PIP4P1: variants seen among roughly 807,000 people sequenced by gnomAD.
The protein encoded by PIP4P1 is phosphatidylinositol-4,5-bisphosphate 4-phosphatase 1, also known as type 1 phosphatidylinositol 4,5-bisphosphate 4-phosphatase.
Under a neutral mutation model 32.3 loss-of-function variants are expected in PIP4P1, and 14 were observed. That is an observed-to-expected ratio of 0.43 (90% CI 0.29 to 0.68). The LOEUF (loss-of-function observed/expected upper bound fraction) is 0.68. Ranked by LOEUF, PIP4P1 falls within the 30% of genes least tolerant of loss-of-function variation. PIP4P1 has a pLI of 0.15. For missense variants in PIP4P1, 289 were observed against 364.5 expected (o/e 0.79, Z 1.69); for synonymous variants, 132 against 137.9 (o/e 0.96, Z 0.30).
At chr14:20,461,097 T>A in intron 1 of PIP4P1, 87 bp downstream of exon 1, 1 of 1,274,782 alleles carries the variant, frequency 7.8e-7, no homozygotes, top group Non-Finnish European at 9.9e-7. Context: ...GCCTCCGCCC[T>A]CGGTCCCGCC....
chr14:20,460,479 G>T, intron 2 of PIP4P1, 176 bp downstream of exon 2: 1 of 765,812 alleles, frequency 1.3e-6, no homozygotes, highest in Non-Finnish European at 2.1e-6. Context: ...GAGAGAAAGT[G>T]AACATTAGCT....
intron 1 of PIP4P1, 24 bp from the exon 2 acceptor site, chr14:20,460,869 G>C: frequency 1.3e-6 from 2 of 1,531,904 alleles, no homozygotes; most frequent in Non-Finnish European, 1.7e-6. Flanking sequence ...AAATAGAAGG[G>C]CTGGGATCAC....
intron 3 of PIP4P1, 65 bp downstream of exon 3, chr14:20,460,127 T>A (rs1881645402): frequency 1.6e-6 from 2 of 1,213,646 alleles, no homozygotes; most frequent in Admixed American, 3.4e-5. Flanking sequence ...ATTCTCTGTA[T>A]ACGCTCATCC....
At chr14:20,459,797 T>G in intron 3 of PIP4P1, 64 bp from the exon 4 acceptor site, 6 of 1,309,480 alleles carry the variant, frequency 4.6e-6, no homozygotes, top group Non-Finnish European at 6.6e-6. Flanking sequence ...ATCCTAAAAA[T>G]CTTCACAGTC....
intron 4 of PIP4P1, 44 bp downstream of exon 4, chr14:20,459,584 T>A (rs965290689): frequency 6.2e-5 from 98 of 1,584,406 alleles, no homozygotes; most frequent in Non-Finnish European, 8.3e-5. Flanking sequence ...TCGAAATGAC[T>A]CTTAGTCTCC....
intron 1 of PIP4P1, 90 bp from the exon 2 acceptor site, chr14:20,460,935 T>C: frequency 1.4e-6 from 2 of 1,416,848 alleles, no homozygotes; most frequent in African/African-American, 2.9e-5. Context: ...TCTTCAACCC[T>C]CTGACCAAGC....
At position 20,458,163 on chromosome 14, in the gene PIP4P1, A is replaced by T. The variant is rs1369479619; in HGVS notation, c.*396T>A. ...TCTGGTGAAGTGCAATAGCAGCAGC[A>T]AAGTCCTAATGGTGCACAAGAGGGA... On this transcript the variant is annotated 3_prime_UTR_variant, in exon 7 of 7. Transcript: ENST00000250489. The T allele has an allele frequency of 7.8e-6, 3 of 386,438 alleles. No individual in the cohort carries two copies. The highest frequency in any genetic ancestry group is 1.5e-5 in the Non-Finnish European group (3 of 196,458). 23.9% of individuals were successfully genotyped at this position (386,438 alleles called of 1,614,324 possible). A position where few individuals can be genotyped will look rare whatever the true frequency, so the allele number is the denominator to read the frequency against.
chr14:20,459,587 T>TA (rs1566517903), intron 4 of PIP4P1, 41 bp downstream of exon 4: 4 of 1,585,992 alleles, frequency 2.5e-6, no homozygotes, highest in Non-Finnish European at 3.5e-6. Flanking sequence ...AAATGACTCT[T>TA]AGTCTCCTTT....
At chr14:20,459,928 C>T in intron 3 of PIP4P1, 195 bp from the exon 4 acceptor site, 4 of 619,846 alleles carry the variant, frequency 6.5e-6, no homozygotes, top group Non-Finnish European at 1.1e-5. Flanking sequence ...ACTGTTTAAA[C>T]TTCAGGTCCC....
intron 1 of PIP4P1, 119 bp downstream of exon 1, chr14:20,461,065 C>A: frequency 7.9e-7 from 1 of 1,269,768 alleles, no homozygotes; most frequent in Non-Finnish European, 1.0e-6. Context: ...TGCAGCAGTC[C>A]CGCACCTGGC....
At position 20,458,517 on chromosome 14, in the gene PIP4P1, C is replaced by T. The variant is rs1337478276; in HGVS notation, c.*42G>A. The stretch of plus-strand genomic sequence containing the variant: ...CAGCTCCCTTCGTAGTGTCACTGTC[C>T]CCACCAGGGAGGGGCCAGGCACAGT... On this transcript the variant is annotated 3_prime_UTR_variant, in exon 7 of 7. Transcript: ENST00000250489. The T allele has an allele frequency of 6.2e-7, 1 of 1,606,988 alleles. No homozygotes were observed.
chr14:20,457,709 A>G lies in PIP4P1; in HGVS notation c.*850T>C, dbSNP rs185469522. 1.5e-6 allele frequency: 1 copy of G among 676,182 alleles called. No homozygotes were observed. The highest frequency in any genetic ancestry group is 1.8e-5 in the African/African-American group (1 of 55,338). 41.9% of individuals were successfully genotyped at this position (676,182 alleles called of 1,614,324 possible). The stretch of plus-strand genomic sequence containing the variant: ...TTTGTTTTTTAAAAAAAAATTGAAC[A>G]AAGACTACTAATGACTTTGTTTGAA... On this transcript the variant is annotated 3_prime_UTR_variant, in exon 7 of 7. Coordinates refer to ENST00000250489, the MANE Select transcript of PIP4P1 (RefSeq NM_144568.4).
In PIP4P1 at chr14:20,461,397, G is replaced by C. The variant is rs1221741189; in HGVS notation, c.-72C>G. ...CGCCTCTGCCGTCGCCGCAGCCACC[G>C]CCACCGCCGCCACCGCCACCGCCGC... On this transcript the variant is annotated 5_prime_UTR_variant, in exon 1 of 7. Transcript: ENST00000250489. 1 of 1,216,554 alleles carries C rather than the reference G, an allele frequency of 8.2e-7. No individual in the cohort carries two copies. 75.4% of individuals were successfully genotyped at this position (1,216,554 alleles called of 1,614,324 possible).
At position 20,458,560 on chromosome 14, in the gene PIP4P1, CAGG is replaced by C; in HGVS notation, c.830_832del (p.Ser277del). ...GGCACAGTCTGTGGGTCATCAGGCT[CAGG>C]AGAAGTTCTGGACAGGGTGGCTGAC... is the stretch of plus-strand genomic sequence containing the variant. On this transcript the variant is annotated inframe_deletion, in exon 7 of 7. Coordinates refer to ENST00000250489, the MANE Select transcript of PIP4P1 (RefSeq NM_144568.4). 1.9e-6 allele frequency: 3 copies of C among 1,613,310 alleles called. No homozygotes were observed. Among genetic ancestry groups the C allele is most frequent in the East Asian group, 2.2e-5 (1 of 44,886 alleles).
In PIP4P1 at chr14:20,458,364, G is replaced by T; in HGVS notation, c.*195C>A. 2.6e-6 allele frequency: 2 copies of T among 783,702 alleles called. No individual in the cohort carries two copies. The highest frequency in any genetic ancestry group is 4.3e-6 in the Non-Finnish European group (2 of 460,234). 48.5% of individuals were successfully genotyped at this position (783,702 alleles called of 1,614,324 possible). On this transcript the variant is annotated 3_prime_UTR_variant, in exon 7 of 7. Transcript: ENST00000250489. ...CAGCAACCCTTGGAGGAAAGCAGAT[G>T]GTCAGCAGTGCTCTTATCTGCCCCT...
chr14:20,457,810 T>C lies in PIP4P1; in HGVS notation c.*749A>G. ...TCTTACCCCTTCGTGGGGCTACACA[T>C]TCTCTTCCTCATATTTTCATGCACA... On this transcript the variant is annotated 3_prime_UTR_variant, in exon 7 of 7. Coordinates refer to ENST00000250489, the MANE Select transcript of PIP4P1 (RefSeq NM_144568.4). 2.3e-6 allele frequency: 1 copy of C among 441,628 alleles called. No homozygotes were observed. The allele number at this position is 441,628 out of a possible 1,614,324, so 27.4% of individuals were successfully genotyped here.
intron 3 of PIP4P1, 172 bp downstream of exon 3, chr14:20,460,020 T>C: frequency 3.1e-6 from 2 of 652,488 alleles, no homozygotes; most frequent in Non-Finnish European, 2.7e-6. Context: ...CATCTCAATA[T>C]TTTTATTGAG....
Position 20,459,700 on chromosome 14 carries a change from G to C in PIP4P1, c.474C>G (p.Pro158=). 1 of 1,614,044 alleles carries C rather than the reference G, an allele frequency of 6.2e-7. No individual in the cohort carries two copies. Among genetic ancestry groups the C allele is most frequent in the Non-Finnish European group, 8.5e-7 (1 of 1,179,970 alleles). The part of the protein sequence containing the change: ...KRIINLGPVH[P]GPLSPEPQPM... ...GTTGGGGTTCTGGACTCAGAGGTCC[G>C]GGATGCACAGGCCCCAGGTTGATGA... Residue 158 remains proline (P), a synonymous_variant, in exon 4 of 7, where the codon CCC becomes CCG. Coordinates refer to ENST00000250489, the MANE Select transcript of PIP4P1 (RefSeq NM_144568.4).
intron 4 of PIP4P1, 42 bp from the exon 5 acceptor site, chr14:20,459,482 T>A (rs755305371): frequency 6.2e-7 from 1 of 1,612,694 alleles, no homozygotes; most frequent in Non-Finnish European, 8.5e-7. Flanking sequence ...AAGCAGGGTC[T>A]CCCTCAATGA....
Sources: allele counts gnomAD v4.1 joint callset, GRCh38; gene constraint gnomAD v4.1.1; transcripts MANE v1.5; gene names NCBI Gene and HGNC (gene_info 2026-07-23, HGNC 2026-07-21).